Variants in MAGI2 observed in about 807,000 individuals in gnomAD.
MAGI2 encodes the protein membrane-associated guanylate kinase, WW and PDZ domain-containing protein 2.
In MAGI2, 35 loss-of-function variants were observed where a neutral mutation model predicts 133.3. That is an observed-to-expected ratio of 0.26 (90% CI 0.20 to 0.35). The LOEUF is 0.35. Ranked by LOEUF, MAGI2 falls within the 10% of genes least tolerant of loss-of-function variation. The probability of loss-of-function intolerance (pLI) is 1.00; values close to 1 mark genes in which losing one functional copy is unlikely to be tolerated. For synonymous variants in MAGI2, 729 were observed against 710.6 expected, an observed-to-expected ratio of 1.03 and a Z score of -0.41; for missense variants, 1,636 against 1,863.4, an observed-to-expected ratio of 0.88 and a Z score of 2.25.
chr7:78,714,723 C>G, intron 2 of MAGI2, among the ~76,000 whole-genome samples: 1 of 152,110 alleles, frequency 6.6e-6, no homozygotes, highest in East Asian at 1.9e-4. Context: ...AAATAAGAAG[C>G]ATATGAGGAA....
intron 21 of MAGI2, among the ~76,000 whole-genome samples, chr7:78,067,289 C>A (rs538137779): frequency 3.9e-5 from 6 of 152,152 alleles, no homozygotes; most frequent in Non-Finnish European, 8.8e-5. Flanking sequence ...GGAAGATACA[C>A]GTGCCAGGAG....
intron 20 of MAGI2, among the ~76,000 whole-genome samples, chr7:78,125,076 G>T (rs1018970885): frequency 6.6e-5 from 10 of 151,892 alleles, no homozygotes; most frequent in Non-Finnish European, 1.2e-4. Context: ...GTGTTAGCCA[G>T]GTTGTTCTCC....
intron 2 of MAGI2, among the ~76,000 whole-genome samples, chr7:78,890,387 T>G (rs1246496427): frequency 6.6e-6 from 1 of 152,170 alleles, no homozygotes; most frequent in East Asian, 1.9e-4. Flanking sequence ...CTAATAGACA[T>G]CTACAGAACT....
intron 1 of MAGI2, among the ~76,000 whole-genome samples, chr7:79,393,235 A>AATAATC (rs1478293535): frequency 6.6e-6 from 1 of 152,120 alleles, no homozygotes; most frequent in Non-Finnish European, 1.5e-5. Flanking sequence ...ATAATAATAG[A>AATAATC]CTCCAGTAAC....
intron 2 of MAGI2, among the ~76,000 whole-genome samples, chr7:78,966,798 T>C (rs1348673949): frequency 6.6e-6 from 1 of 151,400 alleles, no homozygotes; most frequent in Non-Finnish European, 1.5e-5. Flanking sequence ...TAATAGCATA[T>C]GAGTTTTCAG....
intron 15 of MAGI2, among the ~76,000 whole-genome samples, chr7:78,162,946 A>G (rs1375285920): frequency 6.6e-6 from 1 of 152,160 alleles, no homozygotes; most frequent in Non-Finnish European, 1.5e-5. Flanking sequence ...GTAGGGCATT[A>G]ACAGCCTTGT....
intron 21 of MAGI2, among the ~76,000 whole-genome samples, chr7:78,059,164 G>T (rs2151130408): frequency 1.3e-5 from 2 of 152,224 alleles, no homozygotes; most frequent in East Asian, 3.9e-4. Flanking sequence ...TTGACCTGGG[G>T]CATGTTAACA....
At chr7:79,001,694 G>A (rs1427903551) in intron 2 of MAGI2, among the ~76,000 whole-genome samples, 1 of 151,964 alleles carries the variant, frequency 6.6e-6, no homozygotes. Context: ...CTCCATTTTT[G>A]CTCTTTAAAC....
At chr7:78,799,795 T>C (rs1012024024) in intron 2 of MAGI2, among the ~76,000 whole-genome samples, 2 of 152,166 alleles carry the variant, frequency 1.3e-5, no homozygotes, top group African/African-American at 4.8e-5. Flanking sequence ...CTTTCTTACC[T>C]GAGTATTTTG....
intron 6 of MAGI2, among the ~76,000 whole-genome samples, chr7:78,429,694 A>T (rs912181820): frequency 6.6e-6 from 1 of 152,006 alleles, no homozygotes; most frequent in Non-Finnish European, 1.5e-5. Context: ...CTTTTTAAAA[A>T]TGGTGACTAT....
At chr7:78,537,208 G>A (rs949732620) in intron 3 of MAGI2, among the ~76,000 whole-genome samples, 1 of 114,024 alleles carries the variant, frequency 8.8e-6, no homozygotes, top group Non-Finnish European at 1.9e-5. Context: ...CACACACACA[G>A]ACACATTTTC....
chr7:79,119,138 G>C (rs1316839553), intron 1 of MAGI2, among the ~76,000 whole-genome samples: 1 of 152,056 alleles, frequency 6.6e-6, no homozygotes, highest in East Asian at 1.9e-4. Flanking sequence ...TTTACTCAGG[G>C]AGAAATCAGC....
intron 10 of MAGI2, among the ~76,000 whole-genome samples, chr7:78,225,708 C>T (rs1157422583): frequency 1.3e-5 from 2 of 152,200 alleles, no homozygotes; most frequent in African/African-American, 4.8e-5. Context: ...CCATATTTGG[C>T]AAGGACTGAC....
chr7:79,390,089 G>A (rs1844489184), intron 1 of MAGI2, among the ~76,000 whole-genome samples: 1 of 152,184 alleles, frequency 6.6e-6, no homozygotes, highest in African/African-American at 2.4e-5. Context: ...GAATTTAGAT[G>A]TGTGTTCAGA....
intron 3 of MAGI2, chr7:78,617,029 A>G (rs1418885458): frequency 6.6e-6 from 1 of 152,220 alleles, no homozygotes; most frequent in Admixed American, 6.5e-5. Flanking sequence ...GCAATAAAAA[A>G]TAAATAATTG....
chr7:79,232,205 T>C (rs1484147518), intron 1 of MAGI2, among the ~76,000 whole-genome samples: 4 of 152,274 alleles, frequency 2.6e-5, no homozygotes, highest in South Asian at 2.1e-4. Flanking sequence ...CAGTATTTTA[T>C]TGAGGATTTT....
chr7:79,190,494 A>T (rs1230960176), intron 1 of MAGI2, among the ~76,000 whole-genome samples: 1 of 151,858 alleles, frequency 6.6e-6, no homozygotes, highest in Non-Finnish European at 1.5e-5. Context: ...GTGAGGTTTT[A>T]ATAATTTGTT....
chr7:78,725,276 T>G (rs895534198), intron 2 of MAGI2, among the ~76,000 whole-genome samples: 1 of 152,202 alleles, frequency 6.6e-6, no homozygotes, highest in Non-Finnish European at 1.5e-5. Flanking sequence ...CGAAAAATGG[T>G]TCATGCTTAG....
chr7:78,273,375 C>T (rs936456805), intron 9 of MAGI2, among the ~76,000 whole-genome samples: 19 of 152,046 alleles, frequency 1.2e-4, no homozygotes, highest in Admixed American at 1.1e-3. Context: ...AACATTTTTT[C>T]CTTCATTTCA....
Sources: gnomAD v4.1 joint callset for allele counts (sites outside exome capture counted in the v4.1 genomes callset) on GRCh38, gnomAD v4.1.1 for gene constraint, MANE v1.5 for transcripts, NCBI Gene and HGNC (gene_info 2026-07-23, HGNC 2026-07-21) for gene names.